Variants in RORA observed in about 807,000 individuals in gnomAD.
RORA encodes the protein RAR related orphan receptor A.
In RORA, 7 loss-of-function variants were observed where a neutral mutation model predicts 69.5. That is an observed-to-expected ratio of 0.10 (90% confidence interval 0.06 to 0.19). The LOEUF (loss-of-function observed/expected upper bound fraction) is 0.19, where lower values mean the gene tolerates loss of function less well. Among genes scored for constraint, RORA ranks in the 10% least tolerant of loss-of-function variants. RORA has a pLI of 1.00. For missense variants in RORA, 457 were observed against 663.0 expected (o/e 0.69, Z 3.41); for synonymous variants, 261 against 240.8 (o/e 1.08, Z -0.78).
chr15:60,691,244 C>T (rs897536235), intron 1 of RORA, among the ~76,000 whole-genome samples: 8 of 152,294 alleles, frequency 5.3e-5, no homozygotes, highest in Admixed American at 4.6e-4. Flanking sequence ...TATCCACATT[C>T]GCTCTCCCTG....
At chr15:61,143,749 T>G (rs2079321342) in intron 1 of RORA, among the ~76,000 whole-genome samples, 1 of 152,200 alleles carries the variant, frequency 6.6e-6, no homozygotes. Flanking sequence ...CCACTCTCAC[T>G]TCTTACATAA....
rs182852762 is a variant in RORA, at chr15:60,955,877, T to C, written c.166+273176A>G. Among the ~76,000 whole-genome samples, 290 of 152,326 alleles carry C rather than the reference T, an allele frequency of 1.9e-3. 1 individual carries two copies. The highest frequency in any genetic ancestry group is 6.3e-3 in the African/African-American group (261 of 41,564). On this transcript the variant is annotated intron_variant, in intron 1 of 10. Coordinates refer to ENST00000335670, the MANE Select transcript of RORA (RefSeq NM_134261.3). ...GTATTCCACTGAGAAAAGGACACTT[T>C]ATAGACGTATATTCTGCAAAGAGGT...
intron 1 of RORA, among the ~76,000 whole-genome samples, chr15:60,877,972 A>C (rs2073636392): frequency 6.6e-6 from 1 of 152,054 alleles, no homozygotes; most frequent in Non-Finnish European, 1.5e-5. Context: ...TCACAATATT[A>C]TACAAACTAT....
At chr15:60,540,664 A>G (rs965609724) in intron 2 of RORA, among the ~76,000 whole-genome samples, 1 of 151,552 alleles carries the variant, frequency 6.6e-6, no homozygotes, top group African/African-American at 2.4e-5. Flanking sequence ...AAGTCATAAA[A>G]GCTTACCAGG....
intron 1 of RORA, among the ~76,000 whole-genome samples, chr15:61,005,236 T>C (rs552802470): frequency 7.2e-5 from 11 of 152,302 alleles, no homozygotes; most frequent in Non-Finnish European, 1.5e-4. Context: ...TCTCAGCACT[T>C]TGGGAGGCCG....
At chr15:61,002,854 G>A (rs1268289573) in intron 1 of RORA, among the ~76,000 whole-genome samples, 2 of 151,980 alleles carry the variant, frequency 1.3e-5, no homozygotes, top group African/African-American at 4.8e-5. Context: ...ACATAGGGCC[G>A]GGCATGGTGG....
intron 1 of RORA, among the ~76,000 whole-genome samples, chr15:61,153,734 A>G (rs1432623533): frequency 6.6e-6 from 1 of 151,730 alleles, no homozygotes; most frequent in Non-Finnish European, 1.5e-5. Context: ...ATGCATCAAT[A>G]ATGACCTTGT....
At chr15:60,690,591 C>A (rs1374050430) in intron 1 of RORA, among the ~76,000 whole-genome samples, 1 of 152,188 alleles carries the variant, frequency 6.6e-6, no homozygotes, top group Non-Finnish European at 1.5e-5. Context: ...TAGTTTTCAA[C>A]CTTTACCCTA....
At chr15:60,988,509 A>G (rs1221504437) in intron 1 of RORA, among the ~76,000 whole-genome samples, 1 of 152,210 alleles carries the variant, frequency 6.6e-6, no homozygotes, top group Non-Finnish European at 1.5e-5. Context: ...TCCATTGGAA[A>G]GAATATATAA....
chr15:61,101,839 T>TG (rs2078884768), intron 1 of RORA, among the ~76,000 whole-genome samples: 1 of 151,464 alleles, frequency 6.6e-6, no homozygotes, highest in South Asian at 2.1e-4. Context: ...CTGGACCGGG[T>TG]GGGGACAGCA....
At chr15:60,991,668 C>T (rs539608444) in intron 1 of RORA, among the ~76,000 whole-genome samples, 3 of 152,166 alleles carry the variant, frequency 2.0e-5, no homozygotes, top group African/African-American at 4.8e-5. Flanking sequence ...GAGGCTGAGG[C>T]GAGAGGATTG....
intron 1 of RORA, among the ~76,000 whole-genome samples, chr15:60,870,788 T>C (rs1006535307): frequency 6.6e-6 from 1 of 152,236 alleles, no homozygotes; most frequent in Non-Finnish European, 1.5e-5. Flanking sequence ...TAGTCACATA[T>C]GGGTCACTTA....
At chr15:60,750,575 G>A (rs908739370) in intron 1 of RORA, among the ~76,000 whole-genome samples, 2 of 152,204 alleles carry the variant, frequency 1.3e-5, no homozygotes, top group East Asian at 3.9e-4. Flanking sequence ...CAGCTGTTTT[G>A]GGCAGCCTAA....
intron 1 of RORA, among the ~76,000 whole-genome samples, chr15:60,695,737 C>T (rs189409072): frequency 3.9e-5 from 6 of 152,238 alleles, no homozygotes; most frequent in South Asian, 2.1e-4. Context: ...CGCGCCCCCA[C>T]GTCCCCACAG....
At position 60,786,024 on chromosome 15, in the gene RORA, C is replaced by A. The variant is rs567514810; in HGVS notation, c.167-107338G>T. 8.5e-4 allele frequency among the ~76,000 whole-genome samples: 130 copies of A among 152,098 alleles called. 1 individual carries two copies. The highest frequency in any genetic ancestry group is 3.0e-3 in the African/African-American group (124 of 41,574). ...ATGAATGGAATGAATGGATCCCTGA[C>A]AAATAACTTCACCAAAATCTTTTAT... is the stretch of plus-strand genomic sequence containing the variant. On this transcript the variant is annotated intron_variant, in intron 1 of 10. Transcript: ENST00000335670.
intron 1 of RORA, among the ~76,000 whole-genome samples, chr15:61,064,696 T>C (rs939394859): frequency 6.6e-6 from 1 of 152,176 alleles, no homozygotes; most frequent in African/African-American, 2.4e-5. Flanking sequence ...ATGCAGATGG[T>C]TGCAGGACCA....
chr15:61,097,701 A>C (rs951851228), intron 1 of RORA, among the ~76,000 whole-genome samples: 1 of 152,152 alleles, frequency 6.6e-6, no homozygotes. Flanking sequence ...GGCTGTTTTT[A>C]ATTTTTAAAA....
chr15:61,077,592 G>T (rs1336423578), intron 1 of RORA, among the ~76,000 whole-genome samples: 2 of 152,160 alleles, frequency 1.3e-5, no homozygotes, highest in Non-Finnish European at 1.5e-5. Context: ...GCCTGCAACT[G>T]AGAAGCCTAC....
At chr15:60,671,067 GATATATATATATATATAT>G (rs10577286) in intron 2 of RORA, among the ~76,000 whole-genome samples, 6 of 122,290 alleles carry the variant, frequency 4.9e-5, no homozygotes, top group African/African-American at 2.4e-4. Flanking sequence ...ATATCCCATT[GATATATATATATATATAT>G]ATATATATAT....
Sources: allele counts gnomAD v4.1 joint callset (sites outside exome capture counted in the v4.1 genomes callset), GRCh38; gene constraint gnomAD v4.1.1; transcripts MANE v1.5; gene names NCBI Gene and HGNC (gene_info 2026-07-23, HGNC 2026-07-21).